Variants in PLPPR3 observed in about 807,000 individuals in gnomAD.
The protein encoded by PLPPR3 is phospholipid phosphatase related 3, also known as phospholipid phosphatase-related protein type 3.
A neutral mutation model predicts 27.3 loss-of-function variants in PLPPR3; 14 were observed. The observed-to-expected ratio is 0.51, with a 90% CI of 0.34 to 0.80. The LOEUF (loss-of-function observed/expected upper bound fraction) is 0.80. Among genes scored for constraint, PLPPR3 ranks in the 30% least tolerant of loss-of-function variants. The probability of loss-of-function intolerance (pLI) is 0.01; values close to 1 mark genes in which losing one functional copy is unlikely to be tolerated. For synonymous variants in PLPPR3, 671 were observed against 508.0 expected (o/e 1.32, Z -4.32); for missense variants, 1,287 against 1,056.9 (o/e 1.22, Z -3.02).
chr19:813,424 G>C lies in PLPPR3; in HGVS notation c.1303C>G (p.Pro435Ala), dbSNP rs1183658407. Residue 435 changes from proline to alanine, a missense_variant, in exon 8 of 8, where the codon CCC becomes GCC. By Grantham distance (27) the Pro-to-Ala change is conservative (BLOSUM62 -1). Transcript: ENST00000520876. This position sits in a 1 kb window ranked among gnomAD's most constrained non-coding sequence, Gnocchi z 4.1. Reference sequence around the variant, plus strand: ...TCCTCCTCCGCCATGGGTTCGGCGGGCGCGCGCAGGTGCCCGGGGCTGGCG... The same window carrying C: ...TCCTCCTCCGCCATGGGTTCGGCGGCCGCGCGCAGGTGCCCGGGGCTGGCG... The part of the protein sequence containing the change: ...DDASPGHLRA[P>A]AEPMAEEEEE... 4.6e-6 allele frequency: 7 copies of C among 1,507,742 alleles called. No homozygotes were observed. Among genetic ancestry groups the C allele is most frequent in the Non-Finnish European group, 6.2e-6 (7 of 1,135,272 alleles). 93.4% of individuals were successfully genotyped at this position (1,507,742 alleles called of 1,614,324 possible). A position where few individuals can be genotyped will look rare whatever the true frequency, so the allele number is the denominator to read the frequency against.
At position 813,823 on chromosome 19, in the gene PLPPR3, C is replaced by T. The variant is rs1211024905; in HGVS notation, c.904G>A (p.Ala302Thr). ...KPAAPAPAKD[A>T]LRALTQRGHD... The stretch of plus-strand genomic sequence containing the variant: ...CCCCGCTGCGTCAGGGCCCGCAGCG[C>T]GTCCTTGGCGGGGGCCGGGGCCGCG... The change falls in exon 8 of 8, where the codon GCG (alanine) becomes ACG (threonine). Residue 302 changes from alanine (A) to threonine (T), a missense_variant. Transcript: ENST00000520876. This position sits in a 1 kb window ranked among gnomAD's most constrained non-coding sequence, Gnocchi z 4.1. The T allele has an allele frequency of 9.3e-6, 14 of 1,498,350 alleles. No individual in the cohort carries two copies. Among genetic ancestry groups the T allele is most frequent in the South Asian group, 1.3e-5 (1 of 78,854 alleles). 92.8% of individuals were successfully genotyped at this position (1,498,350 alleles called of 1,614,324 possible). A position where few individuals can be genotyped will look rare whatever the true frequency, so the allele number is the denominator to read the frequency against.
chr19:815,702 C>T lies in PLPPR3; in HGVS notation c.225G>A (p.Met75Ile), dbSNP rs373906806. 1.9e-6 allele frequency: 3 copies of T among 1,606,240 alleles called. No homozygotes were observed. Among genetic ancestry groups the T allele is most frequent in the Non-Finnish European group, 2.5e-6 (3 of 1,177,038 alleles). ...GGGCCGCGAAGGCCAAGCTGAGCAG[C>T]ATCAGCAGCGGGATGAGCTCCTCGT... ...ETNEELIPLL[M>I]LLSLAFAAPA... The change falls in exon 3 of 8, where the codon ATG (methionine) becomes ATA (isoleucine). Residue 75 changes from methionine (M) to isoleucine (I), a missense_variant. Coordinates refer to ENST00000520876, the MANE Select transcript of PLPPR3 (RefSeq NM_001270366.2).
intron 5 of PLPPR3, 29 bp downstream of exon 5, chr19:814,857 C>T: frequency 1.3e-6 from 2 of 1,598,526 alleles, no homozygotes; most frequent in South Asian, 1.1e-5. Flanking sequence ...AGAAGGCTCC[C>T]AGTCAGGGGA....
At chr19:814,659 G>T in intron 6 of PLPPR3, 33 bp downstream of exon 6, 2 of 1,608,804 alleles carry the variant, frequency 1.2e-6, no homozygotes, top group Non-Finnish European at 1.7e-6. Flanking sequence ...TCAGCAAGAG[G>T]GCCTGGGAAG....
In PLPPR3 at chr19:815,040, C is replaced by G; in HGVS notation, c.445G>C (p.Asp149His). 1 of 1,609,326 alleles carries G rather than the reference C, an allele frequency of 6.2e-7. No homozygotes were observed. The highest frequency in any genetic ancestry group is 8.5e-7 in the Non-Finnish European group (1 of 1,179,934). ...FGLCATALVT[D>H]VIQLATGYHT... ...TAACCCGTGGCCAGCTGGATCACGT[C>G]CGTCACCAGGGCTGTGGCACACAGG... Residue 149 changes from aspartate (D) to histidine (H), a missense_variant, in exon 5 of 8, where the codon GAC becomes CAC. By Grantham distance (81) the Asp-to-His change is moderately conservative. Coordinates refer to ENST00000520876, the MANE Select transcript of PLPPR3 (RefSeq NM_001270366.2).
chr19:822,251 T>A (rs1298447392), upstream of PLPPR3, among the ~76,000 whole-genome samples: 1 of 147,072 alleles, frequency 6.8e-6, no homozygotes, highest in Non-Finnish European at 1.5e-5. Flanking sequence ...CCCTCCCGGG[T>A]GGCTGCGGTC....
intron 1 of PLPPR3, 149 bp downstream of exon 1, chr19:821,766 C>CG (rs2035150661): frequency 7.7e-6 from 2 of 258,794 alleles, no homozygotes; most frequent in South Asian, 1.4e-4. Context: ...CACCCGGGAT[C>CG]GGGGGGTCGG....
In PLPPR3 at chr19:821,602, G is replaced by A; in HGVS notation, c.-26-17C>T. On this transcript the variant is annotated splice_polypyrimidine_tract_variant and intron_variant, in intron 1 of 7. Coordinates refer to ENST00000520876, the MANE Select transcript of PLPPR3 (RefSeq NM_001270366.2). ...AGGCCGTGGCTGGAGGGGAGAAAGC[G>A]GCGCTGGAGGGGGGCGCGCAGGCGG... is the stretch of plus-strand genomic sequence containing the variant. The A allele has an allele frequency of 2.8e-6, 4 of 1,419,680 alleles. No homozygotes were observed. The highest frequency in any genetic ancestry group is 3.8e-6 in the Non-Finnish European group (4 of 1,065,064). 87.9% of individuals were successfully genotyped at this position (1,419,680 alleles called of 1,614,324 possible).
Position 815,227 on chromosome 19 carries a change from C to A in PLPPR3, c.362G>T (p.Cys121Phe). The A allele has an allele frequency of 6.3e-7, 1 of 1,594,202 alleles. No homozygotes were observed. The highest frequency in any genetic ancestry group is 2.3e-5 in the East Asian group (1 of 43,616). Residue 121 changes from cysteine (C) to phenylalanine (F), a missense_variant, in exon 4 of 8, where the codon TGC becomes TTC. Transcript: ENST00000520876. ...GAEGSINAGG[C>F]NFNSFLRRTV... ...ACGCCGCAGGAAGGAGTTGAAGTTG[C>A]AGCCGCCGGCGTTGATGCTGCCCTC...
Position 815,047 on chromosome 19 carries a change from C to G in PLPPR3, c.438G>C (p.Leu146=), listed in dbSNP as rs1427722642. The stretch of plus-strand genomic sequence containing the variant: ...TGGCCAGCTGGATCACGTCCGTCAC[C>G]AGGGCTGTGGCACACAGGCCGAACA... The part of the protein sequence containing the change: ...VHVFGLCATA[L]VTDVIQLATG... The change falls in exon 5 of 8, where the codon CTG becomes CTC. Residue 146 remains leucine, a synonymous_variant. Transcript: ENST00000520876. 2 of 1,608,444 alleles carry G rather than the reference C, an allele frequency of 1.2e-6. No individual in the cohort carries two copies. The highest frequency in any genetic ancestry group is 1.1e-5 in the South Asian group (1 of 91,088).
chr19:817,476 G>A (rs542462381), intron 2 of PLPPR3, among the ~76,000 whole-genome samples: 38 of 152,250 alleles, frequency 2.5e-4, no homozygotes, highest in Non-Finnish European at 4.7e-4. Context: ...GTTTCACCAT[G>A]TTCCCCAGGC....
intron 2 of PLPPR3, among the ~76,000 whole-genome samples, chr19:819,930 C>G (rs549164671): frequency 5.9e-5 from 9 of 152,212 alleles, no homozygotes; most frequent in African/African-American, 2.2e-4. Flanking sequence ...CAACCTCCGC[C>G]ACCTGGGCTC....
Position 813,822 on chromosome 19 carries a change from G to C in PLPPR3, c.905C>G (p.Ala302Gly), listed in dbSNP as rs369603002. 3.4e-4 allele frequency: 513 copies of C among 1,498,688 alleles called. 2 individuals carry two copies. In the African/African-American group the frequency reaches 6.8e-3, roughly 20 times the overall value. 92.8% of individuals were successfully genotyped at this position (1,498,688 alleles called of 1,614,324 possible). ...KPAAPAPAKD[A>G]LRALTQRGHD... ...GCCCCGCTGCGTCAGGGCCCGCAGC[G>C]CGTCCTTGGCGGGGGCCGGGGCCGC... Residue 302 changes from alanine to glycine, a missense_variant, in exon 8 of 8, where the codon GCG becomes GGG. Physicochemically the swap from Ala to Gly is moderately conservative, Grantham distance 60. Coordinates refer to ENST00000520876, the MANE Select transcript of PLPPR3 (RefSeq NM_001270366.2). This position sits in a 1 kb window ranked among gnomAD's most constrained non-coding sequence, Gnocchi z 4.1.
At chr19:814,127 C>T (rs2145064997) in intron 7 of PLPPR3, among the ~76,000 whole-genome samples, 1 of 151,936 alleles carries the variant, frequency 6.6e-6, no homozygotes, top group South Asian at 2.1e-4. Flanking sequence ...CCCATGCCTT[C>T]CCCCTAAGAC....
At chr19:815,380 T>A (rs946431571) in intron 3 of PLPPR3, 53 bp from the exon 4 acceptor site, 1 of 1,487,682 alleles carries the variant, frequency 6.7e-7, no homozygotes, top group Non-Finnish European at 8.9e-7. Context: ...GAGGGGGCGC[T>A]CAGGCGGGCT....
At chr19:816,627 CCATT>C (rs933291160) in intron 2 of PLPPR3, among the ~76,000 whole-genome samples, 6 of 149,376 alleles carry the variant, frequency 4.0e-5, no homozygotes, top group South Asian at 2.1e-4. Context: ...CATCATCCAG[CCATT>C]CATTCATCTA....
chr19:816,346 C>T (rs375426613), intron 2 of PLPPR3, among the ~76,000 whole-genome samples: 20 of 51,134 alleles, frequency 3.9e-4, no homozygotes, highest in African/African-American at 5.2e-4. Context: ...CCCACCCATC[C>T]ATCCGTCCAT....
In PLPPR3 at chr19:813,765, A is replaced by G; in HGVS notation, c.962T>C (p.Val321Ala). ...TGGGGGCCCCAGCTCGTCGGTGCTC[A>G]CCGACTTATTCTGCTGATAAACCGA... The part of the protein sequence containing the change: ...HDSVYQQNKS[V>A]STDELGPPGR... The change falls in exon 8 of 8, where the codon GTG (valine) becomes GCG (alanine). Residue 321 changes from valine to alanine, a missense_variant. Val to Ala is a moderately conservative substitution (Grantham distance 64). Transcript: ENST00000520876. This position sits in a 1 kb window ranked among gnomAD's most constrained non-coding sequence, Gnocchi z 4.1. The G allele has an allele frequency of 6.5e-7, 1 of 1,527,784 alleles. No homozygotes were observed. The highest frequency in any genetic ancestry group is 8.7e-7 in the Non-Finnish European group (1 of 1,143,272). The allele number at this position is 1,527,784 out of a possible 1,614,324, so 94.6% of individuals were successfully genotyped here. A position where few individuals can be genotyped will look rare whatever the true frequency, so the allele number is the denominator to read the frequency against.
chr19:814,184 GC>G (rs2035008148), intron 7 of PLPPR3, among the ~76,000 whole-genome samples: 1 of 150,266 alleles, frequency 6.7e-6, no homozygotes, highest in African/African-American at 2.5e-5. Context: ...GGGCACCCGT[GC>G]CTCCCCCCTA....
Sources: gnomAD v4.1 joint callset for allele counts (sites outside exome capture counted in the v4.1 genomes callset) on GRCh38, gnomAD v4.1.1 for gene constraint, Gnocchi (gnomAD v3.1) non-coding constraint, MANE v1.5 for transcripts, NCBI Gene and HGNC (gene_info 2026-07-23, HGNC 2026-07-21) for gene names.